UBE2R2: variants seen among roughly 807,000 people sequenced by gnomAD.
UBE2R2 encodes the protein ubiquitin conjugating enzyme E2 R2.
UBE2R2 carries 1 observed loss-of-function variant against 27.8 expected under a neutral mutation model. The observed-to-expected ratio is 0.04, with a 90% CI of 0.01 to 0.17. UBE2R2 has a LOEUF of 0.17. Among genes scored for constraint, UBE2R2 ranks in the 10% least tolerant of loss-of-function variants. The pLI is 1.00. For missense variants in UBE2R2, 100 were observed against 291.0 expected, an observed-to-expected ratio of 0.34 and a Z score of 4.78; for synonymous variants, 106 against 113.3, an observed-to-expected ratio of 0.94 and a Z score of 0.41.
chr9:33,908,728 G>A (rs1233879710), intron 3 of UBE2R2, among the ~76,000 whole-genome samples: 1 of 152,230 alleles, frequency 6.6e-6, no homozygotes, highest in South Asian at 2.1e-4. Context: ...CCAACTAGGT[G>A]AAAGTACTTG....
At chr9:33,880,854 G>A (rs1821717853) in intron 1 of UBE2R2, among the ~76,000 whole-genome samples, 2 of 152,108 alleles carry the variant, frequency 1.3e-5, no homozygotes, top group African/African-American at 4.8e-5. Context: ...TCTGACTAAT[G>A]CCTGATGACT....
intron 1 of UBE2R2, among the ~76,000 whole-genome samples, chr9:33,859,799 T>TGTGTGTGTGAGAGAGAGA (rs766779268): frequency 1.2e-5 from 1 of 86,520 alleles, no homozygotes; most frequent in Non-Finnish European, 2.4e-5. Flanking sequence ...TGTGTGTGTG[T>TGTGTGTGTGAGAGAGAGA]GAGAGAGAGA....
At chr9:33,906,113 C>CTGTTGTTGTTGTTGT (rs3060468) in intron 3 of UBE2R2, among the ~76,000 whole-genome samples, 39 of 151,280 alleles carry the variant, frequency 2.6e-4, no homozygotes, top group Non-Finnish European at 3.1e-4. Context: ...GTCGTTGTTG[C>CTGTTGTTGTTGTTGT]TGTTGTTGTT....
intron 1 of UBE2R2, among the ~76,000 whole-genome samples, chr9:33,829,419 A>C (rs1042381783): frequency 6.6e-6 from 1 of 152,166 alleles, no homozygotes; most frequent in Admixed American, 6.6e-5. Context: ...GTGATGAGAG[A>C]TTACCTAATG....
chr9:33,849,732 T>TGCTAG (rs1820923338), intron 1 of UBE2R2, among the ~76,000 whole-genome samples: 1 of 149,752 alleles, frequency 6.7e-6, no homozygotes, highest in Non-Finnish European at 1.5e-5. Flanking sequence ...TGGCATGTGC[T>TGCTAG]GCTAGTTCCA....
At chr9:33,847,374 C>A (rs971362519) in intron 1 of UBE2R2, among the ~76,000 whole-genome samples, 1 of 152,140 alleles carries the variant, frequency 6.6e-6, no homozygotes, top group East Asian at 1.9e-4. Context: ...GGATTAGAGG[C>A]GTGTGCCACT....
At chr9:33,820,318 T>A (rs1475670065) in intron 1 of UBE2R2, among the ~76,000 whole-genome samples, 1 of 152,262 alleles carries the variant, frequency 6.6e-6, no homozygotes, top group Non-Finnish European at 1.5e-5. Context: ...TGCTTTGTGA[T>A]GTTAGATTTC....
At chr9:33,867,213 CT>C (rs1301144915) in intron 1 of UBE2R2, among the ~76,000 whole-genome samples, 2 of 151,964 alleles carry the variant, frequency 1.3e-5, no homozygotes, top group Non-Finnish European at 2.9e-5. Context: ...TTTTGAATCT[CT>C]TTTGTGTCAG....
chr9:33,858,851 G>A (rs1273664729), intron 1 of UBE2R2, among the ~76,000 whole-genome samples: 1 of 151,524 alleles, frequency 6.6e-6, no homozygotes, highest in Admixed American at 6.6e-5. Context: ...TTGAGATGGA[G>A]CCTCACTCTG....
chr9:33,873,950 A>ATT (rs11321860), intron 1 of UBE2R2, among the ~76,000 whole-genome samples: 2,395 of 144,000 alleles, frequency 0.017, 35 homozygotes, highest in Non-Finnish European at 0.019. Context: ...CCTGGCCTAA[A>ATT]TTTTTTTTTT....
At chr9:33,876,706 G>A (rs1300532888) in intron 1 of UBE2R2, among the ~76,000 whole-genome samples, 1 of 152,138 alleles carries the variant, frequency 6.6e-6, no homozygotes. Context: ...ACGAGGTCAG[G>A]AGATCGAGAC....
intron 2 of UBE2R2, among the ~76,000 whole-genome samples, chr9:33,895,226 A>G (rs1356347999): frequency 6.6e-6 from 1 of 152,170 alleles, no homozygotes; most frequent in Non-Finnish European, 1.5e-5. Context: ...TAATTTTTGT[A>G]TATGACATGA....
At chr9:33,844,196 C>CCA (rs997247869) in intron 1 of UBE2R2, among the ~76,000 whole-genome samples, 5 of 140,510 alleles carry the variant, frequency 3.6e-5, no homozygotes, top group African/African-American at 1.1e-4. Context: ...TTTTTCTGTT[C>CCA]CACACACACA....
intron 1 of UBE2R2, among the ~76,000 whole-genome samples, chr9:33,832,431 C>T (rs1166830813): frequency 2.0e-5 from 3 of 151,542 alleles, no homozygotes; most frequent in African/African-American, 7.3e-5. Context: ...CTGAGGTGGG[C>T]GGATCACAAG....
intron 3 of UBE2R2, among the ~76,000 whole-genome samples, chr9:33,911,402 C>CAAAAAAAAAAAAAAA (rs60526576): frequency 7.5e-5 from 4 of 53,202 alleles, no homozygotes; most frequent in African/African-American, 2.3e-4. Flanking sequence ...AACTCCATCT[C>CAAAAAAAAAAAAAAA]AAAAAAAAAA....
intron 1 of UBE2R2, among the ~76,000 whole-genome samples, chr9:33,866,198 C>G (rs943598034): frequency 5.9e-5 from 9 of 151,780 alleles, no homozygotes; most frequent in African/African-American, 1.9e-4. Context: ...TATAAAATCT[C>G]TTTAAATACA....
intron 1 of UBE2R2, among the ~76,000 whole-genome samples, chr9:33,886,512 G>A (rs571050070): frequency 2.6e-5 from 4 of 152,080 alleles, no homozygotes; most frequent in South Asian, 2.1e-4. Flanking sequence ...AAAATTAGCC[G>A]GACGTGGTGG....
chr9:33,876,959 A>T (rs1821617275), intron 1 of UBE2R2, among the ~76,000 whole-genome samples: 1 of 151,884 alleles, frequency 6.6e-6, no homozygotes, highest in Non-Finnish European at 1.5e-5. Flanking sequence ...CCTGACCAAC[A>T]TGGTGAAACC....
rs1822772946 is a variant in UBE2R2 at position 33,920,037 on chromosome 9, T to G, written c.*2800T>G. The G allele has an allele frequency of 6.6e-6, 1 of 152,496 alleles. No homozygotes were observed. Among genetic ancestry groups the G allele is most frequent in the Non-Finnish European group, 1.5e-5 (1 of 68,042 alleles). 9.4% of individuals were successfully genotyped at this position (152,496 alleles called of 1,614,324 possible). A position where few individuals can be genotyped will look rare whatever the true frequency, so the allele number is the denominator to read the frequency against. On this transcript the variant is annotated 3_prime_UTR_variant, in exon 5 of 5. Coordinates refer to ENST00000263228, the MANE Select transcript of UBE2R2 (RefSeq NM_017811.4). Reference sequence around the variant, plus strand: ...TCCCTTACCCTGGCAAATTGCTTCTTTACTTGCTGGTTTCCTTACGTTTGG... The same window carrying G: ...TCCCTTACCCTGGCAAATTGCTTCTGTACTTGCTGGTTTCCTTACGTTTGG...
Sources: gnomAD v4.1 joint callset for allele counts (sites outside exome capture counted in the v4.1 genomes callset) on GRCh38, gnomAD v4.1.1 for gene constraint, MANE v1.5 for transcripts, NCBI Gene and HGNC (gene_info 2026-07-23, HGNC 2026-07-21) for gene names.